Variants in DUOX1 observed in about 807,000 individuals in gnomAD.
DUOX1 encodes the protein dual oxidase 1.
A neutral mutation model predicts 181.8 loss-of-function variants in DUOX1; 134 were observed. That is an observed-to-expected ratio of 0.74 (90% CI 0.64 to 0.85). DUOX1 has a LOEUF of 0.85. Ranked by LOEUF, DUOX1 falls within the 40% of genes least tolerant of loss-of-function variation. The pLI, the probability that DUOX1 is intolerant of heterozygous loss-of-function variation, is 0.00. For synonymous variants in DUOX1, 798 were observed against 832.5 expected, an observed-to-expected ratio of 0.96 and a Z score of 0.71; for missense variants, 1,814 against 2,064.4, an observed-to-expected ratio of 0.88 and a Z score of 2.35.
intron 16 of DUOX1, 50 bp downstream of exon 16, chr15:45,143,353 C>T (rs1378232226): frequency 6.9e-7 from 1 of 1,458,784 alleles, no homozygotes; most frequent in African/African-American, 1.4e-5. Flanking sequence ...TGGCTCAGCG[C>T]TACAGCTACC....
In DUOX1 at chr15:45,160,930, GT is replaced by G. The variant is rs746299953; in HGVS notation, c.3797del (p.Val1266GlyfsTer3). 99 of 1,614,156 alleles carry G rather than the reference GT, an allele frequency of 6.1e-5. No individual in the cohort carries two copies. The Middle Eastern group carries it at 2.1e-3, about 35-fold the overall frequency. ...PAIIYGGDKLVSLSRKKVEIS... is the reference protein window; with the variant it reads ...PAIIYGGDKLXSLSRKKVEIS... ...AATCATCTATGGGGGCGACAAGCTG[GT>G]GAGCCTGAGCCGGAAGAAGGTGGAG... On this transcript the variant is annotated frameshift_variant, in exon 29 of 34. Transcript: ENST00000389037. LOFTEE classifies it high-confidence loss of function.
At position 45,161,884 on chromosome 15, in the gene DUOX1, C is replaced by T. The variant is rs1897111864; in HGVS notation, c.4003C>T (p.His1335Tyr). The change falls in exon 30 of 34, where the codon CAC becomes TAC. Residue 1335 changes from histidine to tyrosine, a missense_variant. Physicochemically the swap from His to Tyr is moderately conservative, Grantham distance 83 (BLOSUM62 2). This residue lies in a region of DUOX1 where 279 missense variants were observed against 381.9 expected (regional missense o/e 0.73). Transcript: ENST00000389037. ...GCCCCATGAGGACACGCTTAGCCTG[C>T]ACATCCGGGCAGCAGGGCCCTGGAC... is the stretch of plus-strand genomic sequence containing the variant. ...SAPHEDTLSL[H>Y]IRAAGPWTTR... The T allele has an allele frequency of 6.2e-7, 1 of 1,613,882 alleles. No homozygotes were observed.
chr15:45,137,686 T>A (rs1191171813), intron 9 of DUOX1, among the ~76,000 whole-genome samples: 1 of 151,768 alleles, frequency 6.6e-6, no homozygotes, highest in Non-Finnish European at 1.5e-5. Context: ...TGAGAGAGAG[T>A]CAGAGAGAGA....
In DUOX1 at chr15:45,133,864, G is replaced by T; in HGVS notation, c.59G>T (p.Gly20Val). The change falls in exon 3 of 34, where the codon GGA (glycine) becomes GTA (valine). Residue 20 changes from glycine (G) to valine (V), a missense_variant and splice_region_variant. Around this residue, in one of 5 missense-constraint regions of DUOX1, gnomAD observed 320 missense variants for 313.1 expected, o/e 1.02. Coordinates refer to ENST00000389037, the MANE Select transcript of DUOX1 (RefSeq NM_175940.3). ...GCCCCTTCCCTCCATTCTCACACAG[G>T]AGCTCAGAACCCCATTTCGTGGGAG... ...TLLVGAWTPL[G>V]AQNPISWEVQ... The T allele has an allele frequency of 6.2e-7, 1 of 1,613,480 alleles. No individual in the cohort carries two copies. Among genetic ancestry groups the T allele is most frequent in the South Asian group, 1.1e-5 (1 of 90,996 alleles).
chr15:45,138,042 G>A (rs753147296), intron 10 of DUOX1, 28 bp downstream of exon 10: 6 of 1,552,966 alleles, frequency 3.9e-6, no homozygotes, highest in Non-Finnish European at 5.3e-6. Context: ...CATATGTGGT[G>A]GATGTGTGTG....
chr15:45,144,198 G>A lies in DUOX1; in HGVS notation c.2099G>A (p.Arg700His), dbSNP rs372044764. 1.4e-5 allele frequency: 22 copies of A among 1,614,026 alleles called. No individual in the cohort carries two copies. Among genetic ancestry groups the A allele is most frequent in the East Asian group, 6.7e-5 (3 of 44,888 alleles). Residue 700 changes from arginine to histidine, a missense_variant, in exon 17 of 34, where the codon CGC becomes CAC. By Grantham distance (29) the Arg-to-His change is conservative (BLOSUM62 0). This residue lies in a region of DUOX1 where 1,064 missense variants were observed against 1,152.9 expected (regional missense o/e 0.92). Transcript: ENST00000389037. ...GTCCTGTCCAGCAACCGTGGACGCC[G>A]CACTCTGCTGCTCAAGATCCCCAAG... Reference protein sequence around the residue: ...NFVLSSNRGRRTLLLKIPKEY... With the variant: ...NFVLSSNRGRHTLLLKIPKEY...
At chr15:45,142,789 G>GAAAGGAAGGAAGGA (rs1896539652) in intron 15 of DUOX1, among the ~76,000 whole-genome samples, 1 of 139,762 alleles carries the variant, frequency 7.2e-6, no homozygotes, top group Non-Finnish European at 1.5e-5. Flanking sequence ...GGAAGGAAGG[G>GAAAGGAAGGAAGGA]AGGGAGGAAG....
rs1266018506 is a variant in DUOX1 at position 45,160,919 on chromosome 15, G to A, written c.3785G>A (p.Gly1262Asp). The change falls in exon 29 of 34, where the codon GGC becomes GAC. Residue 1262 changes from glycine (G) to aspartate (D), a missense_variant. Gly to Asp is a moderately conservative substitution (Grantham distance 94). Transcript: ENST00000389037. ...CTGGTCCCAGCAATCATCTATGGGG[G>A]CGACAAGCTGGTGAGCCTGAGCCGG... Reference protein sequence around the residue: ...FFLVPAIIYGGDKLVSLSRKK... With the variant: ...FFLVPAIIYGDDKLVSLSRKK... 1 of 1,613,986 alleles carries A rather than the reference G, an allele frequency of 6.2e-7. No individual in the cohort carries two copies. The highest frequency in any genetic ancestry group is 8.5e-7 in the Non-Finnish European group (1 of 1,179,990).
At position 45,160,885 on chromosome 15, in the gene DUOX1, ATCT is replaced by A; in HGVS notation, c.3757_3759del (p.Phe1253del). On this transcript the variant is annotated inframe_deletion, in exon 29 of 34. Transcript: ENST00000389037. ...CCTGATCCAGCTGCCCCGTTTCCAC[ATCT>A]TCTTCCTGGTCCCAGCAATCATCTA... 1 of 1,613,658 alleles carries A rather than the reference ATCT, an allele frequency of 6.2e-7. No individual in the cohort carries two copies. Among genetic ancestry groups the A allele is most frequent in the Non-Finnish European group, 8.5e-7 (1 of 1,179,670 alleles).
chr15:45,139,401 C>A, intron 11 of DUOX1, 26 bp from the exon 12 acceptor site: 2 of 1,609,774 alleles, frequency 1.2e-6, no homozygotes, highest in South Asian at 1.1e-5. Context: ...TGAGCTCCCT[C>A]AGACTGTCTG....
chr15:45,157,554 T>C (rs1896994913), intron 28 of DUOX1, among the ~76,000 whole-genome samples: 1 of 152,230 alleles, frequency 6.6e-6, no homozygotes, highest in Admixed American at 6.5e-5. Flanking sequence ...GCACAGTGGC[T>C]CACATCTGTA....
In DUOX1 at chr15:45,161,860, C is replaced by T; in HGVS notation, c.3979C>T (p.Pro1327Ser). 2 of 1,613,984 alleles carry T rather than the reference C, an allele frequency of 1.2e-6. No individual in the cohort carries two copies. Among genetic ancestry groups the T allele is most frequent in the Non-Finnish European group, 1.7e-6 (2 of 1,179,972 alleles). ...CCACCCCTTCACACTGACCTCTGCG[C>T]CCCATGAGGACACGCTTAGCCTGCA... The part of the protein sequence containing the change: ...EYHPFTLTSA[P>S]HEDTLSLHIR... The change falls in exon 30 of 34, where the codon CCC (proline) becomes TCC (serine). Residue 1327 changes from proline (P) to serine (S), a missense_variant. Transcript: ENST00000389037.
chr15:45,139,606 A>AG lies in DUOX1; in HGVS notation c.1389+11dup, dbSNP rs755870347. 2 of 1,313,924 alleles carry AG rather than the reference A, an allele frequency of 1.5e-6. No homozygotes were observed. The highest frequency in any genetic ancestry group is 2.1e-6 in the Non-Finnish European group (2 of 962,612). The allele number at this position is 1,313,924 out of a possible 1,614,324, so 81.4% of individuals were successfully genotyped here. ...CTCCCGGAGCAATGACACTGTGAGGAGGGGTCAGGACCCAGAGGGTAGGGC... is the reference window on the plus strand; with the variant it reads ...CTCCCGGAGCAATGACACTGTGAGGAGGGGGTCAGGACCCAGAGGGTAGGGC... On this transcript the variant is annotated splice_region_variant and intron_variant, in intron 12 of 33. Coordinates refer to ENST00000389037, the MANE Select transcript of DUOX1 (RefSeq NM_175940.3).
intron 16 of DUOX1, 128 bp from the exon 17 acceptor site, chr15:45,143,908 T>C: frequency 1.2e-6 from 1 of 845,278 alleles, no homozygotes; most frequent in Non-Finnish European, 1.9e-6. Context: ...GGAATGACTC[T>C]CAGTACCCCA....
chr15:45,165,066 C>A lies in DUOX1; in HGVS notation c.*165C>A. ...AGTCACCATGTGTGGGCTCAGGGAC[C>A]CCCAGGACCAGGATGTGTCTCAGCC... is the stretch of plus-strand genomic sequence containing the variant. On this transcript the variant is annotated 3_prime_UTR_variant, in exon 34 of 34. Transcript: ENST00000389037. The A allele has an allele frequency of 2.9e-6, 2 of 700,424 alleles. No homozygotes were observed. The highest frequency in any genetic ancestry group is 2.4e-6 in the Non-Finnish European group (1 of 421,366). The allele number at this position is 700,424 out of a possible 1,614,324, so 43.4% of individuals were successfully genotyped here.
intron 24 of DUOX1, 81 bp from the exon 25 acceptor site, chr15:45,152,205 G>A: frequency 2.0e-6 from 3 of 1,476,966 alleles, no homozygotes; most frequent in Non-Finnish European, 2.7e-6. Flanking sequence ...GTGAGTGGCA[G>A]CCGGCCAGGG....
intron 10 of DUOX1, chr15:45,138,576 TAA>T (rs1896400542): frequency 6.3e-6 from 1 of 158,840 alleles, no homozygotes; most frequent in African/African-American, 2.4e-5. Context: ...ATACTTTGTG[TAA>T]AGTGTTTACT....
intron 18 of DUOX1, among the ~76,000 whole-genome samples, 199 bp downstream of exon 18, chr15:45,145,279 G>T (rs984773545): frequency 6.6e-6 from 1 of 152,188 alleles, no homozygotes; most frequent in South Asian, 2.1e-4. Context: ...CAACTACGAG[G>T]CTCCAGTGGG....
At chr15:45,150,450 G>A (rs1896769720) in intron 21 of DUOX1, 182 bp from the exon 22 acceptor site, 2 of 596,204 alleles carry the variant, frequency 3.4e-6, no homozygotes, top group Non-Finnish European at 5.9e-6. Flanking sequence ...GCCCACCTAT[G>A]GCTGGGTCCA....
Sources: gnomAD v4.1 joint callset for allele counts (sites outside exome capture counted in the v4.1 genomes callset) on GRCh38, gnomAD v4.1.1 for gene constraint, gnomAD v4.1.1 regional missense constraint, MANE v1.5 for transcripts, NCBI Gene and HGNC (gene_info 2026-07-23, HGNC 2026-07-21) for gene names.